Variants in CACNA1H observed in about 807,000 individuals in gnomAD.
The protein encoded by CACNA1H is voltage-dependent T-type calcium channel subunit alpha-1H.
CACNA1H carries 149 observed loss-of-function variants against 192.5 expected under a neutral mutation model. That is an observed-to-expected ratio of 0.77 (90% CI 0.68 to 0.89). The LOEUF is 0.89. Ranked by LOEUF, CACNA1H falls within the 40% of genes least tolerant of loss-of-function variation. The pLI is 0.00. For synonymous variants in CACNA1H, 2,202 were observed against 1,475.2 expected (o/e 1.49, Z -11.29); for missense variants, 4,257 against 3,423.5 (o/e 1.24, Z -6.08).
rs770591765 is a variant in CACNA1H, at chr16:1,205,086, C to T, written c.2452-28C>T. 6 of 1,600,128 alleles carry T rather than the reference C, an allele frequency of 3.7e-6. No homozygotes were observed. The African/African-American group carries it at 4.0e-5, about 11-fold the overall frequency. Reference sequence around the variant, plus strand: ...GGGGTGGGAGCCGCGGGTGCGGCCTCCTGAACTGTCCCCACCTCTGCCTGC... The same window carrying T: ...GGGGTGGGAGCCGCGGGTGCGGCCTTCTGAACTGTCCCCACCTCTGCCTGC... On this transcript the variant is annotated intron_variant, in intron 10 of 34. Transcript: ENST00000348261.
chr16:1,198,659 C>A lies in CACNA1H; in HGVS notation c.688C>A (p.Leu230Ile). Residue 230 changes from leucine (L) to isoleucine (I), a missense_variant, in exon 6 of 35, where the codon CTC becomes ATC. Transcript: ENST00000348261. ...TCTGCTGCTGGATACGCTGCCCATG[C>A]TCGGGAACGTCCTTCTGCTGTGCTT... is the stretch of plus-strand genomic sequence containing the variant. ...VTLLLDTLPM[L>I]GNVLLLCFFV... is the part of the protein sequence containing the mutation. 6.2e-7 allele frequency: 1 copy of A among 1,613,504 alleles called. No individual in the cohort carries two copies. The highest frequency in any genetic ancestry group is 1.1e-5 in the South Asian group (1 of 91,090).
chr16:1,198,355 G>A (rs931413923), intron 5 of CACNA1H, among the ~76,000 whole-genome samples: 12 of 152,190 alleles, frequency 7.9e-5, no homozygotes, highest in Admixed American at 3.3e-4. Flanking sequence ...GATGGTTGGA[G>A]GTGGAGACCT....
rs75148990 is a variant in CACNA1H at position 1,197,778 on chromosome 16, G to A, written c.644-837G>A. On this transcript the variant is annotated intron_variant, in intron 5 of 34. Transcript: ENST00000348261. ...CCTGGGTGCTGGGTGAGAACTCAGCGTCCCCAGGTTCCTGGCCCAGGGCTT... is the reference window on the plus strand; with the variant it reads ...CCTGGGTGCTGGGTGAGAACTCAGCATCCCCAGGTTCCTGGCCCAGGGCTT... 3.3e-3 allele frequency among the ~76,000 whole-genome samples: 500 copies of A among 152,308 alleles called. 3 individuals are homozygous for A. Among genetic ancestry groups the A allele is most frequent in the African/African-American group, 0.012 (479 of 41,554 alleles).
Position 1,220,152 on chromosome 16 carries a change from T to C in CACNA1H, c.6220T>C (p.Phe2074Leu). 6.6e-7 allele frequency: 1 copy of C among 1,521,236 alleles called. No homozygotes were observed. The highest frequency in any genetic ancestry group is 8.8e-7 in the Non-Finnish European group (1 of 1,136,120). The allele number at this position is 1,521,236 out of a possible 1,614,324, so 94.2% of individuals were successfully genotyped here. ...CAGCGTCCGCACTCGTAAGCATACC[T>C]TCGGACAGCGCTGCGTCTCCAGCCG... ...PASVRTRKHT[F>L]GQRCVSSRPA... Residue 2074 changes from phenylalanine (F) to leucine (L), a missense_variant, in exon 35 of 35, where the codon TTC (phenylalanine) becomes CTC (leucine). By Grantham distance (22) the Phe-to-Leu change is conservative. Transcript: ENST00000348261.
intron 2 of CACNA1H, among the ~76,000 whole-genome samples, chr16:1,179,724 C>T (rs1032366213): frequency 4.1e-5 from 6 of 148,094 alleles, no homozygotes; most frequent in South Asian, 2.1e-4. Flanking sequence ...CCACCACGCC[C>T]GGCCTCTTTT....
At chr16:1,187,420 G>A (rs552778152) in intron 2 of CACNA1H, among the ~76,000 whole-genome samples, 1 of 152,338 alleles carries the variant, frequency 6.6e-6, no homozygotes, top group East Asian at 1.9e-4. Context: ...GGGGGCTGTG[G>A]CCCACCTTGC....
rs1348188346 is a variant in CACNA1H at position 1,205,164 on chromosome 16, C to T, written c.2502C>T (p.Ser834=). The change falls in exon 11 of 35, where the codon AGC becomes AGT. Residue 834 remains serine, a synonymous_variant. Coordinates refer to ENST00000348261, the MANE Select transcript of CACNA1H (RefSeq NM_021098.3). ...AGATCAGCAACATCGTGTTCACCAG[C>T]ATGTTTGCCCTGGAGATGCTGCTGA... ...ALEISNIVFT[S]MFALEMLLKL... is the part of the protein sequence containing the mutation. 5.0e-6 allele frequency: 8 copies of T among 1,612,920 alleles called. No homozygotes were observed. Among genetic ancestry groups the T allele is most frequent in the Admixed American group, 3.3e-5 (2 of 59,992 alleles).
At chr16:1,183,412 C>A (rs1465800613) in intron 2 of CACNA1H, among the ~76,000 whole-genome samples, 1 of 152,198 alleles carries the variant, frequency 6.6e-6, no homozygotes. Context: ...CCTGGCCCCT[C>A]CCCCCAGCCC....
Position 1,219,050 on chromosome 16 carries a change from A to G in CACNA1H, c.5968A>G (p.Arg1990Gly), listed in dbSNP as rs779602893. Residue 1990 changes from arginine to glycine, a missense_variant, in exon 34 of 35, where the codon AGG becomes GGG. By Grantham distance (125) the Arg-to-Gly change is moderately radical (BLOSUM62 -2). Coordinates refer to ENST00000348261, the MANE Select transcript of CACNA1H (RefSeq NM_021098.3). ...CCCATTGGCTGTGTCGTCCCCAGCCAGGAGCGGCGAGCCCCTCCACGCCCT... is the reference window on the plus strand; with the variant it reads ...CCCATTGGCTGTGTCGTCCCCAGCCGGGAGCGGCGAGCCCCTCCACGCCCT... ...QIPLAVSSPARSGEPLHALSP... is the reference protein window; with the variant it reads ...QIPLAVSSPAGSGEPLHALSP... 3 of 1,549,946 alleles carry G rather than the reference A, an allele frequency of 1.9e-6. No homozygotes were observed. Among genetic ancestry groups the G allele is most frequent in the South Asian group, 2.4e-5 (2 of 84,052 alleles).
intron 2 of CACNA1H, among the ~76,000 whole-genome samples, chr16:1,171,008 C>T (rs1232754066): frequency 1.3e-5 from 2 of 152,032 alleles, no homozygotes; most frequent in Non-Finnish European, 2.9e-5. Flanking sequence ...GATCCTCTCT[C>T]TAGCTCTCCC....
chr16:1,173,970 G>C, intron 2 of CACNA1H, among the ~76,000 whole-genome samples: 1 of 152,242 alleles, frequency 6.6e-6, no homozygotes, highest in Non-Finnish European at 1.5e-5. Flanking sequence ...GGGACCTCAC[G>C]TCACGTGGGG....
intron 24 of CACNA1H, 46 bp from the exon 25 acceptor site, chr16:1,211,900 C>A: frequency 6.2e-7 from 1 of 1,611,782 alleles, no homozygotes; most frequent in Non-Finnish European, 8.5e-7. Context: ...TGGGTAGGGC[C>A]CCTGGCGGGG....
intron 27 of CACNA1H, 23 bp downstream of exon 27, chr16:1,213,954 G>T: frequency 6.3e-7 from 1 of 1,592,400 alleles, no homozygotes; most frequent in Non-Finnish European, 8.6e-7. Context: ...GGGCCGCGAG[G>T]GGCCCAGGGG....
chr16:1,191,429 TG>T lies in CACNA1H; in HGVS notation c.300-3541del, dbSNP rs1406345123. Reference sequence around the variant, plus strand: ...GACCCAGCAGGCTGGCCTGGCTGTGTGGCCTCAGGCACACTCAGGGTTTTGG... The same window carrying T: ...GACCCAGCAGGCTGGCCTGGCTGTGTGCCTCAGGCACACTCAGGGTTTTGG... On this transcript the variant is annotated intron_variant, in intron 2 of 34. Coordinates refer to ENST00000348261, the MANE Select transcript of CACNA1H (RefSeq NM_021098.3). 7.9e-4 allele frequency among the ~76,000 whole-genome samples: 66 copies of T among 83,854 alleles called. 1 individual carries two copies. The highest frequency in any genetic ancestry group is 1.8e-3 in the Admixed American group (18 of 9,990). The allele number at this position is 83,854 out of a possible 152,430, so 55.0% of individuals were successfully genotyped here. A position where few individuals can be genotyped will look rare whatever the true frequency, so the allele number is the denominator to read the frequency against.
Position 1,220,367 on chromosome 16 carries a change from C to A in CACNA1H, c.6435C>A (p.Asp2145Glu). Residue 2145 changes from aspartate to glutamate, a missense_variant, in exon 35 of 35, where the codon GAC becomes GAA. Transcript: ENST00000348261. ...LYSVDAQGFL[D>E]KPGRADEQWR... ...GCGTGGATGCTCAGGGCTTCCTGGA[C>A]AAGCCGGGCCGGGCAGACGAGCAGT... is the stretch of plus-strand genomic sequence containing the variant. The A allele has an allele frequency of 6.6e-7, 1 of 1,523,562 alleles. No individual in the cohort carries two copies. Among genetic ancestry groups the A allele is most frequent in the South Asian group, 1.3e-5 (1 of 78,500 alleles). 94.4% of individuals were successfully genotyped at this position (1,523,562 alleles called of 1,614,324 possible). A position where few individuals can be genotyped will look rare whatever the true frequency, so the allele number is the denominator to read the frequency against.
At chr16:1,158,540 G>T (rs1393540510) in intron 2 of CACNA1H, among the ~76,000 whole-genome samples, 1 of 152,214 alleles carries the variant, frequency 6.6e-6, no homozygotes, top group Non-Finnish European at 1.5e-5. Context: ...ACGTCATCTT[G>T]TTCCCGCCAG....
At chr16:1,155,548 G>T (rs1029806024) in intron 2 of CACNA1H, among the ~76,000 whole-genome samples, 7 of 152,142 alleles carry the variant, frequency 4.6e-5, no homozygotes, top group African/African-American at 1.7e-4. Flanking sequence ...GCCAAGGCCT[G>T]CGTTCCTTGT....
At chr16:1,218,696 CAGGG>C in intron 33 of CACNA1H, 45 bp downstream of exon 33, 5 of 1,453,816 alleles carry the variant, frequency 3.4e-6, no homozygotes, top group Non-Finnish European at 4.6e-6. Context: ...GGAAGCAGGA[CAGGG>C]AGGAAGATGG....
Position 1,185,593 on chromosome 16 carries a change from GGTCAGCGT to G in CACNA1H, c.300-9377_300-9370del, listed in dbSNP as rs1287051507. Among the ~76,000 whole-genome samples the G allele has an allele frequency of 1.6e-4, 13 of 81,012 alleles. 1 individual carries two copies. Among genetic ancestry groups the G allele is most frequent in the South Asian group, 4.1e-4 (1 of 2,426 alleles). 53.1% of individuals were successfully genotyped at this position (81,012 alleles called of 152,430 possible). A position where few individuals can be genotyped will look rare whatever the true frequency, so the allele number is the denominator to read the frequency against. On this transcript the variant is annotated intron_variant, in intron 2 of 34. Coordinates refer to ENST00000348261, the MANE Select transcript of CACNA1H (RefSeq NM_021098.3). ...GGGGGTCCATGGCGGGTGAGTAGAC[GGTCAGCGT>G]GCGTAGGGGCCGGAGGCGGGGTACG...
Sources: gnomAD v4.1 joint callset for allele counts (sites outside exome capture counted in the v4.1 genomes callset) on GRCh38, gnomAD v4.1.1 for gene constraint, MANE v1.5 for transcripts, NCBI Gene and HGNC (gene_info 2026-07-23, HGNC 2026-07-21) for gene names.